The following PTPRE variants were observed in gnomAD, a reference collection of about 807,000 sequenced individuals.
The protein encoded by PTPRE is receptor-type tyrosine-protein phosphatase epsilon.
A neutral mutation model predicts 102.0 loss-of-function variants in PTPRE; 51 were observed. That is an observed-to-expected ratio of 0.50 (90% confidence interval 0.40 to 0.63). PTPRE has a LOEUF of 0.63. Ranked by LOEUF, PTPRE falls within the 30% of genes least tolerant of loss-of-function variation. The pLI is 0.00. For missense variants in PTPRE, 752 were observed against 915.1 expected (o/e 0.82, Z 2.30); for synonymous variants, 345 against 348.2 (o/e 0.99, Z 0.10).
chr10:128,056,474 C>T (rs1848971517), intron 7 of PTPRE, among the ~76,000 whole-genome samples: 1 of 152,194 alleles, frequency 6.6e-6, no homozygotes, highest in Non-Finnish European at 1.5e-5. Context: ...GCCTGGGGCC[C>T]AGCGGGTAAG....
chr10:128,063,301 A>G (rs970310865), intron 10 of PTPRE, 121 bp downstream of exon 10: 1 of 1,484,130 alleles, frequency 6.7e-7, no homozygotes, highest in African/African-American at 1.4e-5. Context: ...ACTGCAGAAA[A>G]AAACCCAAAC....
At chr10:128,046,814 T>C (rs1231983684) in intron 3 of PTPRE, among the ~76,000 whole-genome samples, 1 of 152,146 alleles carries the variant, frequency 6.6e-6, no homozygotes, top group Non-Finnish European at 1.5e-5. Flanking sequence ...AAGGTCAACC[T>C]GTCAGGTACA....
chr10:128,007,290 A>C (rs1429047298), intron 2 of PTPRE, among the ~76,000 whole-genome samples: 1 of 152,206 alleles, frequency 6.6e-6, no homozygotes, highest in African/African-American at 2.4e-5. Context: ...CCTTGAACAA[A>C]TATTTATGAA....
Position 128,070,941 on chromosome 10 carries a change from G to A in PTPRE, c.1387+40G>A. 1 of 1,576,124 alleles carries A rather than the reference G, an allele frequency of 6.3e-7. No homozygotes were observed. ...GCGTGGCTTGGGCAGGGCTGGGGCG[G>A]GGCTGGTGCCGGAGGCTTTCATCCT... On this transcript the variant is annotated intron_variant, in intron 15 of 20. Transcript: ENST00000254667. The surrounding 1 kb of genome is among the most constrained non-coding windows in gnomAD (Gnocchi z 4.8).
At chr10:127,955,764 A>G (rs2080943033) in intron 1 of PTPRE, among the ~76,000 whole-genome samples, 1 of 152,230 alleles carries the variant, frequency 6.6e-6, no homozygotes, top group African/African-American at 2.4e-5. Context: ...TAATTGACTA[A>G]CAGTTCTGCA....
At chr10:127,923,189 C>T (rs978325491) in intron 1 of PTPRE, among the ~76,000 whole-genome samples, 5 of 152,206 alleles carry the variant, frequency 3.3e-5, no homozygotes, top group African/African-American at 1.2e-4. Context: ...CCAGTGTTTT[C>T]TCCCTGTTGT....
At chr10:127,929,855 G>A (rs547231310) in intron 1 of PTPRE, among the ~76,000 whole-genome samples, 2 of 151,948 alleles carry the variant, frequency 1.3e-5, no homozygotes, top group Non-Finnish European at 2.9e-5. Flanking sequence ...TCGGGAGTTG[G>A]AGACCAGCCT....
In PTPRE at chr10:127,923,763, T is replaced by C. The variant is rs190069175; in HGVS notation, c.-31+16454T>C. Among the ~76,000 whole-genome samples, 555 of 152,306 alleles carry C rather than the reference T, an allele frequency of 3.6e-3. 2 individuals are homozygous for C. Among genetic ancestry groups the C allele is most frequent in the Non-Finnish European group, 6.0e-3 (405 of 68,014 alleles). On this transcript the variant is annotated intron_variant, in intron 1 of 20. Transcript: ENST00000254667. ...CCAGTGTGGAGACACAATCTTCCTT[T>C]AACACAGGATTCAAACCACATGCAG...
At chr10:128,076,078 G>A (rs2136058607) in intron 17 of PTPRE, among the ~76,000 whole-genome samples, 2 of 152,318 alleles carry the variant, frequency 1.3e-5, no homozygotes, top group South Asian at 2.1e-4. Flanking sequence ...CATCGTGATT[G>A]GTTAGCTGTT....
intron 2 of PTPRE, among the ~76,000 whole-genome samples, chr10:128,034,348 AGAACTCTTGGCTTTT>A (rs1847031945): frequency 6.7e-6 from 1 of 149,548 alleles, no homozygotes; most frequent in Non-Finnish European, 1.5e-5. Flanking sequence ...ACACACACAC[AGAACTCTTGGCTTTT>A]GAAACTTTTA....
At chr10:128,001,080 A>G (rs758323065) in intron 2 of PTPRE, among the ~76,000 whole-genome samples, 5 of 152,260 alleles carry the variant, frequency 3.3e-5, no homozygotes, top group Non-Finnish European at 7.3e-5. Context: ...GCTATTTCAT[A>G]TTAGAGAAAC....
At position 127,926,687 on chromosome 10, in the gene PTPRE, G is replaced by A. The variant is rs115923389; in HGVS notation, c.-31+19378G>A. Among the ~76,000 whole-genome samples the A allele has an allele frequency of 8.9e-3, 1,357 of 152,096 alleles. 23 individuals are homozygous for A. Among genetic ancestry groups the A allele is most frequent in the African/African-American group, 0.031 (1,266 of 41,474 alleles). ...AAGTAGTCATGGTGGCCACAGGAAAGGAGACGCCTAGCAGGGGAGGAACTA... is the reference window on the plus strand; with the variant it reads ...AAGTAGTCATGGTGGCCACAGGAAAAGAGACGCCTAGCAGGGGAGGAACTA... On this transcript the variant is annotated intron_variant, in intron 1 of 20. Coordinates refer to ENST00000254667, the MANE Select transcript of PTPRE (RefSeq NM_006504.6).
intron 1 of PTPRE, among the ~76,000 whole-genome samples, chr10:127,912,068 G>A (rs1186285385): frequency 6.6e-6 from 1 of 152,162 alleles, no homozygotes; most frequent in African/African-American, 2.4e-5. Flanking sequence ...GATTATGAAG[G>A]CAGCCTCCTT....
chr10:127,997,889 G>A (rs1385463813), intron 2 of PTPRE, among the ~76,000 whole-genome samples: 1 of 152,156 alleles, frequency 6.6e-6, no homozygotes, highest in Non-Finnish European at 1.5e-5. Context: ...TGCTGCTTCC[G>A]TCACATTTAC....
At chr10:127,962,576 C>A (rs7101037) in intron 1 of PTPRE, among the ~76,000 whole-genome samples, 14,194 of 152,160 alleles carry the variant, frequency 0.093, 746 homozygotes, top group South Asian at 0.14. Flanking sequence ...TCAGGCCTCC[C>A]GCTCAGTTCT....
chr10:128,073,485 C>T lies in PTPRE; in HGVS notation c.1599+14C>T. On this transcript the variant is annotated intron_variant, in intron 17 of 20. Transcript: ENST00000254667. ...GAGAGAGAGCAGGTGAGGAGTGCCGCCCAGCCCGGTCCCTCCAGGGCAGCC... is the reference window on the plus strand; with the variant it reads ...GAGAGAGAGCAGGTGAGGAGTGCCGTCCAGCCCGGTCCCTCCAGGGCAGCC... 1 of 1,605,924 alleles carries T rather than the reference C, an allele frequency of 6.2e-7. No individual in the cohort carries two copies. The highest frequency in any genetic ancestry group is 8.5e-7 in the Non-Finnish European group (1 of 1,177,444).
At chr10:127,912,870 G>T (rs1330427856) in intron 1 of PTPRE, among the ~76,000 whole-genome samples, 1 of 152,256 alleles carries the variant, frequency 6.6e-6, no homozygotes, top group Non-Finnish European at 1.5e-5. Context: ...GCCTGTCCAG[G>T]TAGCAGTGGA....
intron 1 of PTPRE, among the ~76,000 whole-genome samples, chr10:127,942,522 A>G (rs1264982448): frequency 1.3e-5 from 2 of 152,248 alleles, no homozygotes. Context: ...CATACATGCA[A>G]TGGAATGCTG....
chr10:127,927,605 TC>T (rs1351526169), intron 1 of PTPRE, among the ~76,000 whole-genome samples: 1 of 152,076 alleles, frequency 6.6e-6, no homozygotes, highest in Non-Finnish European at 1.5e-5. Flanking sequence ...ACCTGAACAG[TC>T]CCCCTCCTCA....
Sources: allele counts gnomAD v4.1 joint callset (sites outside exome capture counted in the v4.1 genomes callset), GRCh38; gene constraint gnomAD v4.1.1; non-coding constraint Gnocchi (gnomAD v3.1); transcripts MANE v1.5; gene names NCBI Gene and HGNC (gene_info 2026-07-23, HGNC 2026-07-21).